Variants in NWD1 observed in about 807,000 individuals in gnomAD.
The protein encoded by NWD1 is NACHT and WD repeat domain containing 1.
Under a neutral mutation model 135.1 loss-of-function variants are expected in NWD1, and 129 were observed. The ratio of observed to expected loss-of-function variants is 0.96; its 90% CI spans 0.83 to 1.11. The LOEUF (loss-of-function observed/expected upper bound fraction) is 1.11, where lower values mean the gene tolerates loss of function less well. NWD1 is among the 50% of genes least tolerant of loss of function. The pLI is 0.00. For synonymous variants in NWD1, 773 were observed against 786.0 expected, an observed-to-expected ratio of 0.98 and a Z score of 0.28; for missense variants, 1,740 against 1,851.3, an observed-to-expected ratio of 0.94 and a Z score of 1.10.
chr19:16,810,012 G>A (rs1970874845), intron 18 of NWD1, among the ~76,000 whole-genome samples: 1 of 152,164 alleles, frequency 6.6e-6, no homozygotes, highest in Non-Finnish European at 1.5e-5. Flanking sequence ...TAGTTGGGAA[G>A]ACACAGTGAG....
chr19:16,789,473 A>T (rs1449833065), intron 13 of NWD1, among the ~76,000 whole-genome samples: 1 of 152,148 alleles, frequency 6.6e-6, no homozygotes, highest in African/African-American at 2.4e-5. Flanking sequence ...CTTTACCTAC[A>T]TCCTGTAAAT....
intron 3 of NWD1, among the ~76,000 whole-genome samples, chr19:16,734,079 C>T (rs1457707278): frequency 6.6e-6 from 1 of 152,128 alleles, no homozygotes; most frequent in African/African-American, 2.4e-5. Context: ...TGCCCAGCCT[C>T]CCCATGGCGA....
chr19:16,768,284 C>G (rs976383038), intron 10 of NWD1, among the ~76,000 whole-genome samples: 1 of 152,006 alleles, frequency 6.6e-6, no homozygotes, highest in Admixed American at 6.6e-5. Context: ...GCTTGAGCTA[C>G]CATGCCTGGC....
At chr19:16,807,131 T>C (rs945959131) in intron 17 of NWD1, among the ~76,000 whole-genome samples, 1 of 147,566 alleles carries the variant, frequency 6.8e-6, no homozygotes, top group Non-Finnish European at 1.5e-5. Flanking sequence ...GAGGCTGCAG[T>C]GAGCTTCAGT....
chr19:16,771,037 C>T (rs907097412), intron 10 of NWD1, among the ~76,000 whole-genome samples: 2 of 152,104 alleles, frequency 1.3e-5, no homozygotes, highest in East Asian at 1.9e-4. Context: ...CGGGGGTTCA[C>T]GCTTCTAATC....
intron 1 of NWD1, among the ~76,000 whole-genome samples, chr19:16,722,240 A>G (rs570113853): frequency 6.6e-6 from 1 of 151,476 alleles, no homozygotes; most frequent in Non-Finnish European, 1.5e-5. Flanking sequence ...TGGAGGCTGC[A>G]GTGAGCCACA....
At chr19:16,782,735 C>T (rs772668546) in intron 12 of NWD1, among the ~76,000 whole-genome samples, 3 of 151,986 alleles carry the variant, frequency 2.0e-5, no homozygotes, top group Non-Finnish European at 4.4e-5. Context: ...GTGGTGTGTG[C>T]CTGTAGTCCC....
At chr19:16,766,553 GGTTTT>G (rs58025516) in intron 10 of NWD1, among the ~76,000 whole-genome samples, 26,929 of 151,638 alleles carry the variant, frequency 0.18, 5,627 homozygotes, top group African/African-American at 0.51. Flanking sequence ...TGTTCTGTTT[GGTTTT>G]GTTTTAATTA....
intron 1 of NWD1, among the ~76,000 whole-genome samples, chr19:16,720,646 C>A (rs1053802058): frequency 6.6e-6 from 1 of 152,116 alleles, no homozygotes; most frequent in Non-Finnish European, 1.5e-5. Flanking sequence ...GCTCTGCCTC[C>A]CAGGTTCACA....
At chr19:16,762,421 C>T (rs1969058054) in intron 8 of NWD1, among the ~76,000 whole-genome samples, 1 of 151,338 alleles carries the variant, frequency 6.6e-6, no homozygotes. Context: ...CTCAGCCTCC[C>T]AAGTAGCTGG....
chr19:16,744,600 T>C lies in NWD1; in HGVS notation c.378T>C (p.Thr126=). Reference sequence around the variant, plus strand: ...CCTACGTCCTGCAGGCACCAGGTACTGGGGAGGCCTGTGAACCAGAGGAGG... The same window carrying C: ...CCTACGTCCTGCAGGCACCAGGTACCGGGGAGGCCTGTGAACCAGAGGAGG... ...PPTYVLQAPG[T]GEACEPEEAT... The change falls in exon 5 of 19, where the codon ACT becomes ACC. Residue 126 remains threonine, a synonymous_variant. Coordinates refer to ENST00000524140, the MANE Select transcript of NWD1 (RefSeq NM_001007525.5). The C allele has an allele frequency of 6.5e-7, 1 of 1,535,160 alleles. No individual in the cohort carries two copies. The highest frequency in any genetic ancestry group is 1.2e-5 in the South Asian group (1 of 83,994).
chr19:16,752,928 G>A (rs538425945), intron 6 of NWD1, among the ~76,000 whole-genome samples: 19 of 152,320 alleles, frequency 1.2e-4, no homozygotes, highest in African/African-American at 4.6e-4. Flanking sequence ...GAGCCAGGAG[G>A]TCATGGCTGC....
At chr19:16,761,508 C>A (rs1312157637) in intron 7 of NWD1, among the ~76,000 whole-genome samples, 1 of 151,882 alleles carries the variant, frequency 6.6e-6, no homozygotes, top group African/African-American at 2.4e-5. Flanking sequence ...AAGAGCACAC[C>A]ACCACGCCCA....
At chr19:16,791,254 A>G in intron 13 of NWD1, 96 bp from the exon 14 acceptor site, 3 of 1,077,216 alleles carry the variant, frequency 2.8e-6, no homozygotes, top group Non-Finnish European at 4.1e-6. Flanking sequence ...GAAAATGCAT[A>G]AAGTATACAA....
At chr19:16,768,344 C>T (rs909343513) in intron 10 of NWD1, among the ~76,000 whole-genome samples, 1 of 151,940 alleles carries the variant, frequency 6.6e-6, no homozygotes, top group East Asian at 1.9e-4. Flanking sequence ...CTTTTAAAGG[C>T]TTAATAATAT....
At chr19:16,744,826 G>A in intron 5 of NWD1, 108 bp downstream of exon 5, 1 of 928,504 alleles carries the variant, frequency 1.1e-6, no homozygotes, top group South Asian at 1.4e-5. Flanking sequence ...TCTTGCAAAT[G>A]CCAAACCAGT....
intron 6 of NWD1, among the ~76,000 whole-genome samples, chr19:16,754,931 ATATT>A (rs1388264524): frequency 6.6e-6 from 1 of 152,186 alleles, no homozygotes; most frequent in Non-Finnish European, 1.5e-5. Context: ...ATATATCTAT[ATATT>A]TCTCTATGTC....
intron 6 of NWD1, among the ~76,000 whole-genome samples, chr19:16,750,954 G>T (rs1243651838): frequency 6.6e-6 from 1 of 152,144 alleles, no homozygotes; most frequent in African/African-American, 2.4e-5. Flanking sequence ...AGGCGTGGTG[G>T]CTCACACCTG....
At chr19:16,768,126 C>T (rs527649177) in intron 10 of NWD1, among the ~76,000 whole-genome samples, 1 of 151,686 alleles carries the variant, frequency 6.6e-6, no homozygotes, top group Non-Finnish European at 1.5e-5. Flanking sequence ...TCCAGAGTAG[C>T]TGGGATTACA....
Sources: gnomAD v4.1 joint callset for allele counts (sites outside exome capture counted in the v4.1 genomes callset) on GRCh38, gnomAD v4.1.1 for gene constraint, MANE v1.5 for transcripts, NCBI Gene and HGNC (gene_info 2026-07-23, HGNC 2026-07-21) for gene names.